The following SORCS1 variants were observed in gnomAD, a reference collection of about 807,000 sequenced individuals.
SORCS1 encodes VPS10 domain-containing receptor SorCS1.
A neutral mutation model predicts 146.1 loss-of-function variants in SORCS1; 60 were observed. The ratio of observed to expected loss-of-function variants is 0.41; its 90% CI spans 0.33 to 0.51. The LOEUF is 0.51. Ranked by LOEUF, SORCS1 falls within the 20% of genes least tolerant of loss-of-function variation. The probability of loss-of-function intolerance (pLI) is 0.21; values close to 1 mark genes in which losing one functional copy is unlikely to be tolerated. For missense variants in SORCS1, 1,352 were observed against 1,487.6 expected, an observed-to-expected ratio of 0.91 and a Z score of 1.50; for synonymous variants, 637 against 584.0, an observed-to-expected ratio of 1.09 and a Z score of -1.31.
At chr10:106,822,926 A>T (rs942019915) in intron 3 of SORCS1, among the ~76,000 whole-genome samples, 4 of 147,502 alleles carry the variant, frequency 2.7e-5, no homozygotes, top group South Asian at 2.2e-4. Context: ...GATTACAGGC[A>T]CCTGCCACCG....
At chr10:107,057,479 C>T (rs11193189) in intron 1 of SORCS1, among the ~76,000 whole-genome samples, 3,780 of 152,214 alleles carry the variant, frequency 0.025, 65 homozygotes, top group Non-Finnish European at 0.037. Flanking sequence ...CCAATTTCTA[C>T]CTCTGCAAAC....
intron 2 of SORCS1, among the ~76,000 whole-genome samples, chr10:106,938,006 G>T (rs1242440458): frequency 2.0e-5 from 3 of 151,304 alleles, no homozygotes; most frequent in African/African-American, 4.9e-5. Context: ...AAAGGAAGTG[G>T]TCTAATACAC....
At chr10:106,757,801 T>C (rs1016105260) in intron 5 of SORCS1, among the ~76,000 whole-genome samples, 18 of 152,192 alleles carry the variant, frequency 1.2e-4, no homozygotes, top group African/African-American at 3.6e-4. Flanking sequence ...CATTTGTTGA[T>C]TTAGTAGAGC....
chr10:107,001,605 A>T (rs1263945855), intron 1 of SORCS1, among the ~76,000 whole-genome samples: 1 of 152,190 alleles, frequency 6.6e-6, no homozygotes, highest in East Asian at 1.9e-4. Flanking sequence ...TTGGGATTAC[A>T]GGCACGTGCC....
intron 3 of SORCS1, among the ~76,000 whole-genome samples, chr10:106,813,123 CTTTTCTT>C (rs1255430984): frequency 5.8e-4 from 76 of 130,924 alleles, no homozygotes; most frequent in African/African-American, 2.1e-3. Context: ...TTTTTCTTCT[CTTTTCTT>C]TTTTTTTTTT....
chr10:107,131,758 A>G (rs1966878386), intron 1 of SORCS1, among the ~76,000 whole-genome samples: 1 of 152,214 alleles, frequency 6.6e-6, no homozygotes, highest in Non-Finnish European at 1.5e-5. Flanking sequence ...GAATAATGCT[A>G]GGCAGAGTCT....
chr10:106,825,554 G>A lies in SORCS1; in HGVS notation c.726+4020C>T, dbSNP rs193048392. Among the ~76,000 whole-genome samples the A allele has an allele frequency of 1.9e-3, 287 of 152,108 alleles. 2 individuals carry two copies. Among genetic ancestry groups the A allele is most frequent in the African/African-American group, 6.7e-3 (278 of 41,528 alleles). ...CCCATAGTGCTGGGATTACAGGCGT[G>A]AGCCACTGCGCCCAGCCAAGTTTTT... On this transcript the variant is annotated intron_variant, in intron 3 of 25. Coordinates refer to ENST00000263054, the MANE Select transcript of SORCS1 (RefSeq NM_052918.5).
intron 23 of SORCS1, chr10:106,600,773 A>G (rs1004508743): frequency 3.1e-6 from 3 of 958,420 alleles, no homozygotes; most frequent in Middle Eastern, 1.1e-3. Context: ...AGTTGAGACT[A>G]GACTTTGGCT....
In SORCS1 at chr10:106,574,411, G is replaced by T. The variant is rs1844492143; in HGVS notation, c.*3009C>A. The T allele has an allele frequency of 6.6e-6, 1 of 152,540 alleles. No individual in the cohort carries two copies. Among genetic ancestry groups the T allele is most frequent in the African/African-American group, 2.4e-5 (1 of 41,406 alleles). 9.4% of individuals were successfully genotyped at this position (152,540 alleles called of 1,614,324 possible). ...ACCTTAAGCCCACCAAACTCCTTGTGTGTTTGCACCTGCGATTAGCGAGTA... is the reference window on the plus strand; with the variant it reads ...ACCTTAAGCCCACCAAACTCCTTGTTTGTTTGCACCTGCGATTAGCGAGTA... On this transcript the variant is annotated 3_prime_UTR_variant, in exon 26 of 26. Transcript: ENST00000263054.
chr10:106,974,130 G>A (rs908865950), intron 1 of SORCS1, among the ~76,000 whole-genome samples: 3 of 152,282 alleles, frequency 2.0e-5, no homozygotes, highest in Admixed American at 1.3e-4. Flanking sequence ...CATAGCTACT[G>A]TTATTTATTT....
At chr10:106,585,031 G>A (rs1297518762) in intron 24 of SORCS1, among the ~76,000 whole-genome samples, 7 of 151,694 alleles carry the variant, frequency 4.6e-5, no homozygotes, top group Admixed American at 4.6e-4. Flanking sequence ...AATATTGTTA[G>A]CTAGGCTTCA....
chr10:106,924,946 C>A (rs1952939684), intron 2 of SORCS1, among the ~76,000 whole-genome samples: 1 of 152,064 alleles, frequency 6.6e-6, no homozygotes, highest in Admixed American at 6.5e-5. Context: ...ACTGACAATT[C>A]TTTTCCTCAC....
intron 2 of SORCS1, among the ~76,000 whole-genome samples, chr10:106,949,393 GC>G (rs1324163057): frequency 5.3e-5 from 8 of 152,134 alleles, no homozygotes; most frequent in Non-Finnish European, 1.0e-4. Flanking sequence ...GAGAAGGGAG[GC>G]GTTGGGACTC....
chr10:107,136,201 G>A (rs1434923275), intron 1 of SORCS1, among the ~76,000 whole-genome samples: 4 of 152,114 alleles, frequency 2.6e-5, no homozygotes, highest in African/African-American at 4.8e-5. Flanking sequence ...ATCCATTTAC[G>A]CAAAACTTAG....
At chr10:106,611,097 A>AT (rs1846954553) in intron 22 of SORCS1, among the ~76,000 whole-genome samples, 1 of 152,076 alleles carries the variant, frequency 6.6e-6, no homozygotes. Flanking sequence ...AAAAAAAAAA[A>AT]GTAGAACAAG....
chr10:107,025,027 C>A (rs954202287), intron 1 of SORCS1, among the ~76,000 whole-genome samples: 1 of 152,096 alleles, frequency 6.6e-6, no homozygotes, highest in African/African-American at 2.4e-5. Context: ...GAATAATCAA[C>A]CACAAAATCA....
chr10:106,738,121 A>G (rs768515851), intron 5 of SORCS1, among the ~76,000 whole-genome samples: 2 of 152,202 alleles, frequency 1.3e-5, no homozygotes, highest in Non-Finnish European at 2.9e-5. Flanking sequence ...GGAAGAAAAA[A>G]CTGGAGATAC....
At chr10:107,035,277 AAC>A (rs113056858) in intron 1 of SORCS1, among the ~76,000 whole-genome samples, 2,192 of 43,214 alleles carry the variant, frequency 0.051, 89 homozygotes, top group African/African-American at 0.14. Flanking sequence ...AAAAAAAAAC[AAC>A]AAAAAAAAAA....
intron 1 of SORCS1, among the ~76,000 whole-genome samples, chr10:107,009,532 A>G (rs1012901130): frequency 3.3e-5 from 5 of 152,234 alleles, no homozygotes; most frequent in African/African-American, 9.6e-5. Flanking sequence ...CAAAATAAGC[A>G]TAACACAGGA....
Sources: gnomAD v4.1 joint callset for allele counts (sites outside exome capture counted in the v4.1 genomes callset) on GRCh38, gnomAD v4.1.1 for gene constraint, MANE v1.5 for transcripts, NCBI Gene and HGNC (gene_info 2026-07-23, HGNC 2026-07-21) for gene names.